PLEKHA5: variants seen among roughly 807,000 people sequenced by gnomAD.
PLEKHA5 encodes pleckstrin homology domain containing A5, also known as pleckstrin homology domain-containing family A member 5.
Under a neutral mutation model 181.9 loss-of-function variants are expected in PLEKHA5, and 55 were observed. The observed-to-expected ratio is 0.30, with a 90% CI of 0.24 to 0.38. The LOEUF (loss-of-function observed/expected upper bound fraction) is 0.38. Among genes scored for constraint, PLEKHA5 ranks in the 10% least tolerant of loss-of-function variants. The pLI is 1.00. For synonymous variants in PLEKHA5, 535 were observed against 529.4 expected, an observed-to-expected ratio of 1.01 and a Z score of -0.15; for missense variants, 1,432 against 1,549.5, an observed-to-expected ratio of 0.92 and a Z score of 1.27.
intron 3 of PLEKHA5, among the ~76,000 whole-genome samples, chr12:19,242,043 A>G (rs1405380635): frequency 1.3e-5 from 2 of 152,196 alleles, no homozygotes; most frequent in African/African-American, 4.8e-5. Context: ...TGAAAGAATT[A>G]TCTAAATTAT....
intron 15 of PLEKHA5, chr12:19,306,647 A>G: frequency 7.7e-7 from 1 of 1,293,514 alleles, no homozygotes; most frequent in Non-Finnish European, 1.1e-6. Flanking sequence ...CATCGAGGTA[A>G]TAGGTGACTG....
chr12:19,348,863 G>A (rs1415538489), intron 25 of PLEKHA5, among the ~76,000 whole-genome samples: 1 of 152,138 alleles, frequency 6.6e-6, no homozygotes, highest in African/African-American at 2.4e-5. Context: ...CCGGGAGGCT[G>A]AGGCAGGAGA....
At chr12:19,219,437 G>A (rs553917031) in intron 3 of PLEKHA5, among the ~76,000 whole-genome samples, 2 of 150,250 alleles carry the variant, frequency 1.3e-5, no homozygotes, top group East Asian at 3.9e-4. Flanking sequence ...GTGTGTATGT[G>A]TGTTGTTTTG....
At chr12:19,200,013 T>C (rs944098785) in intron 3 of PLEKHA5, among the ~76,000 whole-genome samples, 3 of 152,022 alleles carry the variant, frequency 2.0e-5, no homozygotes, top group African/African-American at 7.2e-5. Flanking sequence ...GGTTGGTTAG[T>C]GGGTACAAAC....
intron 3 of PLEKHA5, among the ~76,000 whole-genome samples, chr12:19,174,259 G>A (rs1445534263): frequency 1.3e-5 from 2 of 152,070 alleles, no homozygotes; most frequent in Non-Finnish European, 1.5e-5. Flanking sequence ...AATAGGTTTC[G>A]TTTTTTGTTG....
chr12:19,257,526 CT>C lies in PLEKHA5; in HGVS notation c.529del (p.Tyr177IlefsTer8). Reference sequence around the variant, plus strand: ...TGCACCGGTTGTCAGACGAGGTTGGCTTTATAAACAGGTATTTTTTTTTTTT... The same window carrying C: ...TGCACCGGTTGTCAGACGAGGTTGGCTTATAAACAGGTATTTTTTTTTTTT... ...PNAPVVRRGW[L>X]YKQDSTGMKL... is the part of the protein sequence containing the mutation. On this transcript the variant is annotated frameshift_variant, in exon 6 of 32. Coordinates refer to ENST00000429027, the MANE Select transcript of PLEKHA5 (RefSeq NM_001256470.2). LOFTEE classifies it high-confidence loss of function. 1 of 1,560,308 alleles carries C rather than the reference CT, an allele frequency of 6.4e-7. No homozygotes were observed. The highest frequency in any genetic ancestry group is 8.7e-7 in the Non-Finnish European group (1 of 1,146,208).
At chr12:19,356,893 TC>T (rs963992577) in intron 26 of PLEKHA5, among the ~76,000 whole-genome samples, 13 of 152,076 alleles carry the variant, frequency 8.5e-5, no homozygotes, top group African/African-American at 3.1e-4. Flanking sequence ...ACTCCTGACC[TC>T]GTGATCTGCC....
intron 3 of PLEKHA5, among the ~76,000 whole-genome samples, chr12:19,231,072 C>A (rs2152382085): frequency 6.6e-6 from 1 of 152,146 alleles, no homozygotes; most frequent in South Asian, 2.1e-4. Context: ...TTTTTTAAAA[C>A]ATGGGTATTT....
intron 3 of PLEKHA5, among the ~76,000 whole-genome samples, chr12:19,140,618 T>C (rs995734476): frequency 2.6e-5 from 4 of 152,182 alleles, no homozygotes; most frequent in African/African-American, 7.2e-5. Flanking sequence ...TGGCATGTAA[T>C]AGACAATTAG....
At chr12:19,221,794 A>G (rs1263746195) in intron 3 of PLEKHA5, among the ~76,000 whole-genome samples, 1 of 152,172 alleles carries the variant, frequency 6.6e-6, no homozygotes, top group Non-Finnish European at 1.5e-5. Context: ...AAACAAAACT[A>G]CATACTTTAT....
At chr12:19,254,423 T>G (rs2066270143) in intron 4 of PLEKHA5, among the ~76,000 whole-genome samples, 1 of 152,220 alleles carries the variant, frequency 6.6e-6, no homozygotes, top group South Asian at 2.1e-4. Flanking sequence ...CAGAGTTAGT[T>G]ACTGAAATTG....
chr12:19,144,591 C>T (rs530546316), intron 3 of PLEKHA5, among the ~76,000 whole-genome samples: 8 of 152,222 alleles, frequency 5.3e-5, no homozygotes, highest in Non-Finnish European at 7.4e-5. Flanking sequence ...GAGTGTGGGA[C>T]GTAATGTAAT....
chr12:19,318,274 G>C (rs939540743), intron 16 of PLEKHA5, among the ~76,000 whole-genome samples: 1 of 151,714 alleles, frequency 6.6e-6, no homozygotes, highest in Non-Finnish European at 1.5e-5. Context: ...AATTTCGGTG[G>C]TACTAAAAGT....
chr12:19,304,792 A>G (rs2933281), intron 15 of PLEKHA5, among the ~76,000 whole-genome samples: 17 of 151,118 alleles, frequency 1.1e-4, no homozygotes, highest in African/African-American at 4.1e-4. Context: ...TGAGAACTAC[A>G]CCAAAGAAAG....
At chr12:19,199,620 T>G (rs761927098) in intron 3 of PLEKHA5, among the ~76,000 whole-genome samples, 20 of 152,132 alleles carry the variant, frequency 1.3e-4, no homozygotes, top group Non-Finnish European at 2.2e-4. Context: ...GAAAGTTTGA[T>G]GTAAATATTT....
intron 3 of PLEKHA5, among the ~76,000 whole-genome samples, chr12:19,176,769 A>G (rs2047362690): frequency 6.6e-6 from 1 of 152,120 alleles, no homozygotes; most frequent in Non-Finnish European, 1.5e-5. Context: ...AAATTGACAA[A>G]TAATATATAT....
At chr12:19,172,167 T>A (rs1167193043) in intron 3 of PLEKHA5, among the ~76,000 whole-genome samples, 1 of 152,258 alleles carries the variant, frequency 6.6e-6, no homozygotes, top group Non-Finnish European at 1.5e-5. Flanking sequence ...ATGTGTTATA[T>A]ACTTTTATAT....
At chr12:19,278,363 T>G (rs2075166309) in intron 11 of PLEKHA5, among the ~76,000 whole-genome samples, 1 of 152,284 alleles carries the variant, frequency 6.6e-6, no homozygotes, top group East Asian at 1.9e-4. Flanking sequence ...TTTAGTGTAA[T>G]TATATTTTTG....
intron 15 of PLEKHA5, among the ~76,000 whole-genome samples, chr12:19,302,091 A>T (rs1056346402): frequency 2.2e-4 from 34 of 152,362 alleles, no homozygotes; most frequent in African/African-American, 7.9e-4. Flanking sequence ...ATTCTTGAGA[A>T]AATGGAGTAT....
Sources: gnomAD v4.1 joint callset for allele counts (sites outside exome capture counted in the v4.1 genomes callset) on GRCh38, gnomAD v4.1.1 for gene constraint, MANE v1.5 for transcripts, NCBI Gene and HGNC (gene_info 2026-07-23, HGNC 2026-07-21) for gene names.